The following TMEM139 variants were observed in gnomAD, a reference collection of about 807,000 sequenced individuals.
TMEM139 encodes transmembrane protein 139.
TMEM139 carries 9 observed loss-of-function variants against 15.9 expected under a neutral mutation model. That is an observed-to-expected ratio of 0.57 (90% CI 0.34 to 0.99). TMEM139 has a LOEUF of 0.99. TMEM139 is among the 50% of genes least tolerant of loss of function. The pLI is 0.02. For synonymous variants in TMEM139, 95 were observed against 110.5 expected, an observed-to-expected ratio of 0.86 and a Z score of 0.88; for missense variants, 270 against 267.7, an observed-to-expected ratio of 1.01 and a Z score of -0.06.
chr7:143,286,140 G>A lies in TMEM139; in HGVS notation c.183G>A (p.Trp61Ter), dbSNP rs765903986. Residue 61 changes from tryptophan (W) to a stop codon, truncating the protein, a stop_gained, in exon 2 of 3, where the codon TGG (tryptophan) becomes TGA (stop). Transcript: ENST00000359333. LOFTEE classifies it high-confidence loss of function. ...ATCTCCTGGTCCGGTTTCTGGAATGGGGGCTTCGGTCCCAGCTCCAATCAA... is the reference window on the plus strand; with the variant it reads ...ATCTCCTGGTCCGGTTTCTGGAATGAGGGCTTCGGTCCCAGCTCCAATCAA... ...FAYLLVRFLE[W>*]GLRSQLQSMQ... 9.3e-6 allele frequency: 15 copies of A among 1,613,966 alleles called. No individual in the cohort carries two copies. The highest frequency in any genetic ancestry group is 1.3e-5 in the Non-Finnish European group (15 of 1,180,016).
intron 1 of TMEM139, chr7:143,285,732 T>C: frequency 1.7e-6 from 1 of 596,992 alleles, no homozygotes; most frequent in Non-Finnish European, 2.9e-6. Flanking sequence ...TGGCTGGGAG[T>C]CAAAGCTCCT....
rs1801229540 is a variant in TMEM139, at chr7:143,285,355, C to G, written c.-108C>G. 6.1e-6 allele frequency: 1 copy of G among 162,904 alleles called. No individual in the cohort carries two copies. Among genetic ancestry groups the G allele is most frequent in the Non-Finnish European group, 1.4e-5 (1 of 73,532 alleles). 10.1% of individuals were successfully genotyped at this position (162,904 alleles called of 1,614,324 possible). ...CAATTGTTTCTCAAGCAGTTGTGTC[C>G]CTGTGGCTTTGGTGCGCCTGTGTGC... is the stretch of plus-strand genomic sequence containing the variant. On this transcript the variant is annotated 5_prime_UTR_variant, in exon 1 of 3. Transcript: ENST00000359333.
rs1240109086 is a variant in TMEM139 at position 143,285,988 on chromosome 7, G to A, written c.31G>A (p.Glu11Lys). The change falls in exon 2 of 3, where the codon GAG (glutamate) becomes AAG (lysine). Residue 11 changes from glutamate (E) to lysine (K), a missense_variant. Transcript: ENST00000359333. ...GCCAATGCACTTACTGGGGAGACTG[G>A]AGAAGCCGCTTCTCCTCCTGTGCTG... MVPMHLLGRLEKPLLLLCCAS... is the reference protein window; with the variant it reads MVPMHLLGRLKKPLLLLCCAS... 1 of 1,614,174 alleles carries A rather than the reference G, an allele frequency of 6.2e-7. No homozygotes were observed. Among genetic ancestry groups the A allele is most frequent in the South Asian group, 1.1e-5 (1 of 91,084 alleles).
At chr7:143,284,941 C>G (rs572601489), upstream of TMEM139, 4 of 152,420 alleles carry the variant, frequency 2.6e-5, no homozygotes, top group African/African-American at 4.8e-5. Flanking sequence ...CACCACCCCC[C>G]ACCCCATCTA....
Position 143,287,927 on chromosome 7 carries a change from GC to G in TMEM139, c.*1103del, listed in dbSNP as rs950999059. ...TGGAAGCTGCTAAACCATAGCTGAC[GC>G]CCCCTCCTAAGCCAGCCTTCCTTCC... On this transcript the variant is annotated 3_prime_UTR_variant, in exon 3 of 3. Coordinates refer to ENST00000359333, the MANE Select transcript of TMEM139 (RefSeq NM_001282876.2). 8 of 153,756 alleles carry G rather than the reference GC, an allele frequency of 5.2e-5. No homozygotes were observed. Among genetic ancestry groups the G allele is most frequent in the African/African-American group, 1.9e-4 (8 of 41,586 alleles). The allele number at this position is 153,756 out of a possible 1,614,324, so 9.5% of individuals were successfully genotyped here.
rs1450285216 is a variant in TMEM139 at position 143,285,875 on chromosome 7, T to C, written c.-17-66T>C. ...ACAAAGAAATATCATATGGTTACTTTGGTATCTGACACAGCCATGACACCA... is the reference window on the plus strand; with the variant it reads ...ACAAAGAAATATCATATGGTTACTTCGGTATCTGACACAGCCATGACACCA... On this transcript the variant is annotated intron_variant, in intron 1 of 2. Coordinates refer to ENST00000359333, the MANE Select transcript of TMEM139 (RefSeq NM_001282876.2). The C allele has an allele frequency of 6.9e-6, 11 of 1,582,916 alleles. 1 individual carries two copies. In the South Asian group the frequency reaches 1.0e-4, roughly 15 times the overall value.
Position 143,285,963 on chromosome 7 carries a change from G to C in TMEM139, c.6G>C (p.Val2=). The change falls in exon 2 of 3, where the codon GTG becomes GTC. Residue 2 remains valine, a synonymous_variant. Transcript: ENST00000359333. M[V]PMHLLGRLEK... ...CAGGAGCCTGGGGAGGGGCCATGGT[G>C]CCAATGCACTTACTGGGGAGACTGG... 3.1e-6 allele frequency: 5 copies of C among 1,614,162 alleles called. No homozygotes were observed. In the Admixed American group the frequency reaches 8.3e-5, roughly 27 times the overall value.
At position 143,286,583 on chromosome 7, in the gene TMEM139, G is replaced by C. The variant is rs1801325673; in HGVS notation, c.405G>C (p.Arg135Ser). 2 of 1,613,972 alleles carry C rather than the reference G, an allele frequency of 1.2e-6. No individual in the cohort carries two copies. The highest frequency in any genetic ancestry group is 2.2e-5 in the South Asian group (2 of 91,072). ...EEQPSHPEGSRRAKLEQRRMA... is the reference protein window; with the variant it reads ...EEQPSHPEGSSRAKLEQRRMA... The stretch of plus-strand genomic sequence containing the variant: ...AACCTAGCCATCCAGAGGGGTCCAG[G>C]AGAGCCAAACTGGAACAGAGGCGAA... Residue 135 changes from arginine to serine, a missense_variant, in exon 3 of 3, where the codon AGG becomes AGC. Transcript: ENST00000359333.
At chr7:143,285,774 A>G (rs2116732252) in intron 1 of TMEM139, 167 bp from the exon 2 acceptor site, 1 of 884,618 alleles carries the variant, frequency 1.1e-6, no homozygotes, top group Admixed American at 2.8e-5. Context: ...CACACACTCC[A>G]AGACATAGAG....
In TMEM139 at chr7:143,286,568, T is replaced by C. The variant is rs1461915255; in HGVS notation, c.390T>C (p.His130=). The C allele has an allele frequency of 1.2e-6, 2 of 1,613,042 alleles. No homozygotes were observed. Among genetic ancestry groups the C allele is most frequent in the African/African-American group, 2.7e-5 (2 of 74,522 alleles). ...PPAPEEEQPS[H]PEGSRRAKLE... ...CACCTGAGGAGGAACAACCTAGCCA[T>C]CCAGAGGGGTCCAGGAGAGCCAAAC... Residue 130 remains histidine (H), a synonymous_variant, in exon 3 of 3, where the codon CAT becomes CAC. Transcript: ENST00000359333.
chr7:143,285,738 C>T (rs1233150816), intron 1 of TMEM139: 7 of 621,654 alleles, frequency 1.1e-5, no homozygotes, highest in East Asian at 8.7e-5. Context: ...GGAGTCAAAG[C>T]TCCTGGGCTG....
At position 143,286,583 on chromosome 7, in the gene TMEM139, G is replaced by A; in HGVS notation, c.405G>A (p.Arg135=). 6.2e-7 allele frequency: 1 copy of A among 1,613,972 alleles called. No homozygotes were observed. The highest frequency in any genetic ancestry group is 8.5e-7 in the Non-Finnish European group (1 of 1,179,986). The part of the protein sequence containing the change: ...EEQPSHPEGS[R]RAKLEQRRMA... ...AACCTAGCCATCCAGAGGGGTCCAG[G>A]AGAGCCAAACTGGAACAGAGGCGAA... The change falls in exon 3 of 3, where the codon AGG becomes AGA. Residue 135 remains arginine, a synonymous_variant. Transcript: ENST00000359333.
At chr7:143,285,857 AAT>A in intron 1 of TMEM139, 82 bp from the exon 2 acceptor site, 2 of 1,546,026 alleles carry the variant, frequency 1.3e-6, no homozygotes, top group South Asian at 2.4e-5. Flanking sequence ...CAAACAAAGA[AAT>A]ATCATATGGT....
Position 143,286,993 on chromosome 7 carries a change from G to A in TMEM139, c.*164G>A, listed in dbSNP as rs1428161171. 2 of 758,674 alleles carry A rather than the reference G, an allele frequency of 2.6e-6. No homozygotes were observed. The highest frequency in any genetic ancestry group is 4.2e-6 in the Non-Finnish European group (2 of 481,536). The allele number at this position is 758,674 out of a possible 1,614,324, so 47.0% of individuals were successfully genotyped here. On this transcript the variant is annotated 3_prime_UTR_variant, in exon 3 of 3. Coordinates refer to ENST00000359333, the MANE Select transcript of TMEM139 (RefSeq NM_001282876.2). ...AGGCCACGGTAAGCCCTTCCCAGCT[G>A]AGATATGGGTGGCATAATTTGAGTC...
At chr7:143,286,389 G>T in intron 2 of TMEM139, 35 bp from the exon 3 acceptor site, 2 of 1,522,376 alleles carry the variant, frequency 1.3e-6, no homozygotes, top group Non-Finnish European at 1.8e-6. Context: ...CTTCTTTCAT[G>T]GAAGCCACCA....
intron 1 of TMEM139, 90 bp from the exon 2 acceptor site, chr7:143,285,851 C>A (rs1266775460): frequency 1.5e-5 from 23 of 1,528,760 alleles, no homozygotes; most frequent in Non-Finnish European, 2.0e-5. Context: ...AGAAACCAAA[C>A]AAAGAAATAT....
intron 2 of TMEM139, 37 bp from the exon 3 acceptor site, chr7:143,286,387 A>G (rs202074919): frequency 1.7e-5 from 26 of 1,522,418 alleles, no homozygotes; most frequent in Middle Eastern, 1.8e-4. Context: ...GGCTTCTTTC[A>G]TGGAAGCCAC....
rs1475010019 is a variant in TMEM139, at chr7:143,286,503, G to A, written c.325G>A (p.Asp109Asn). ...ATCCCAGTGCCGCCCCCAAGAGTTG[G>A]ACCAACCACCCCCCTACAGCACTGT... ...LESQCRPQEL[D>N]QPPPYSTVVI... Residue 109 changes from aspartate to asparagine, a missense_variant, in exon 3 of 3, where the codon GAC (aspartate) becomes AAC (asparagine). By Grantham distance (23) the Asp-to-Asn change is conservative. Coordinates refer to ENST00000359333, the MANE Select transcript of TMEM139 (RefSeq NM_001282876.2). 6.2e-7 allele frequency: 1 copy of A among 1,601,252 alleles called. No homozygotes were observed. The highest frequency in any genetic ancestry group is 8.5e-7 in the Non-Finnish European group (1 of 1,174,520).
Position 143,286,904 on chromosome 7 carries a change from T to C in TMEM139, c.*75T>C, listed in dbSNP as rs1375148653. 2.0e-6 allele frequency: 3 copies of C among 1,463,906 alleles called. No homozygotes were observed. Among genetic ancestry groups the C allele is most frequent in the East Asian group, 2.3e-5 (1 of 43,530 alleles). 90.7% of individuals were successfully genotyped at this position (1,463,906 alleles called of 1,614,324 possible). On this transcript the variant is annotated 3_prime_UTR_variant, in exon 3 of 3. Transcript: ENST00000359333. ...GACTAACATTTTCCAGCGCCTACTA[T>C]GTGTCAGAAACAAGTGTTTCTGCCT...
Sources: allele counts gnomAD v4.1 joint callset, GRCh38; gene constraint gnomAD v4.1.1; transcripts MANE v1.5; gene names NCBI Gene and HGNC (gene_info 2026-07-23, HGNC 2026-07-21).